ARL10: variants seen among roughly 807,000 people sequenced by gnomAD.
ARL10 encodes ADP-ribosylation factor-like protein 10.
Under a neutral mutation model 26.1 loss-of-function variants are expected in ARL10, and 23 were observed. That is an observed-to-expected ratio of 0.88 (90% confidence interval 0.63 to 1.25). The LOEUF is 1.25. Among genes scored for constraint, ARL10 ranks in the 50% most tolerant of loss-of-function variants. The pLI, the probability that ARL10 is intolerant of heterozygous loss-of-function variation, is 0.00. For synonymous variants in ARL10, 138 were observed against 149.1 expected (o/e 0.93, Z 0.54); for missense variants, 300 against 323.6 (o/e 0.93, Z 0.56).
downstream of ARL10, chr5:176,389,272 C>T (rs568806272): frequency 1.9e-6 from 3 of 1,549,944 alleles, no homozygotes; most frequent in East Asian, 4.5e-5. Context: ...AGACCCAAAG[C>T]GGGGAATGAC....
chr5:176,391,286 C>T (rs1375169370), downstream of ARL10, among the ~76,000 whole-genome samples: 2 of 152,136 alleles, frequency 1.3e-5, no homozygotes, highest in African/African-American at 4.8e-5. Flanking sequence ...TGGTGTCCCC[C>T]TCCAAAAATG....
At chr5:176,404,981 C>T (rs1055316604), downstream of ARL10, among the ~76,000 whole-genome samples, 22 of 152,318 alleles carry the variant, frequency 1.4e-4, no homozygotes, top group Non-Finnish European at 2.5e-4. Flanking sequence ...ACAACTCGAG[C>T]GAGCTGTTAA....
At chr5:176,384,588 G>T, downstream of ARL10, 1 of 572,232 alleles carries the variant, frequency 1.7e-6, no homozygotes, top group Non-Finnish European at 3.1e-6. Flanking sequence ...GGAGTTCCAG[G>T]CCACCCTGGG....
Position 176,372,625 on chromosome 5 carries a change from C to T in ARL10, c.*730C>T. 1 of 309,468 alleles carries T rather than the reference C, an allele frequency of 3.2e-6. No individual in the cohort carries two copies. Among genetic ancestry groups the T allele is most frequent in the Non-Finnish European group, 5.9e-6 (1 of 170,664 alleles). The allele number at this position is 309,468 out of a possible 1,614,324, so 19.2% of individuals were successfully genotyped here. On this transcript the variant is annotated 3_prime_UTR_variant, in exon 4 of 4. Coordinates refer to ENST00000310389, the MANE Select transcript of ARL10 (RefSeq NM_173664.6). ...CTACAGAATAACTGATATTCACCCA[C>T]CAAACAGAAAAAGTGAAGGCTGGGT...
At chr5:176,387,246 A>C (rs547259660) in intron 1 of ARL10, among the ~76,000 whole-genome samples, 1 of 150,208 alleles carries the variant, frequency 6.7e-6, no homozygotes, top group African/African-American at 2.4e-5. Flanking sequence ...TGCCCAGCTA[A>C]ATTTTGTGTT....
Position 176,380,393 on chromosome 5 carries a change from TGGC to T in ARL10, c.*8499_*8501del, listed in dbSNP as rs1755522422. On this transcript the variant is annotated 3_prime_UTR_variant, in exon 4 of 4. Coordinates refer to ENST00000310389, the MANE Select transcript of ARL10 (RefSeq NM_173664.6). ...AGTTTTATTTAAAGTTTCCTCATCG[TGGC>T]CATTTTAATTCTAAGTTGTTCCTAG... The T allele has an allele frequency of 6.6e-6, 1 of 151,938 alleles. No homozygotes were observed. Among genetic ancestry groups the T allele is most frequent in the South Asian group, 2.1e-4 (1 of 4,820 alleles). 9.4% of individuals were successfully genotyped at this position (151,938 alleles called of 1,614,324 possible). A position where few individuals can be genotyped will look rare whatever the true frequency, so the allele number is the denominator to read the frequency against.
chr5:176,373,231 C>A lies in ARL10; in HGVS notation c.*1336C>A, dbSNP rs1284051219. The A allele has an allele frequency of 5.1e-6, 2 of 393,160 alleles. No homozygotes were observed. The highest frequency in any genetic ancestry group is 9.0e-6 in the Non-Finnish European group (2 of 223,286). 24.4% of individuals were successfully genotyped at this position (393,160 alleles called of 1,614,324 possible). A position where few individuals can be genotyped will look rare whatever the true frequency, so the allele number is the denominator to read the frequency against. ...GGGTACATCACTCAGCCTTTCTGGACCCAATTTTTCCCCAGTGAAAGCCAA... is the reference window on the plus strand; with the variant it reads ...GGGTACATCACTCAGCCTTTCTGGAACCAATTTTTCCCCAGTGAAAGCCAA... On this transcript the variant is annotated 3_prime_UTR_variant, in exon 4 of 4. Coordinates refer to ENST00000310389, the MANE Select transcript of ARL10 (RefSeq NM_173664.6).
downstream of ARL10, chr5:176,386,889 G>A (rs773904196): frequency 1.5e-5 from 24 of 1,614,028 alleles, no homozygotes; most frequent in Non-Finnish European, 2.0e-5. Flanking sequence ...TCTCCTCTAT[G>A]TCCACCTCCA....
chr5:176,404,466 T>C (rs538066881), downstream of ARL10, among the ~76,000 whole-genome samples: 21 of 152,108 alleles, frequency 1.4e-4, no homozygotes, highest in East Asian at 3.7e-3. Context: ...AGGCTCAGAG[T>C]AGTTAAGTGA....
chr5:176,399,130 C>A (rs1756691043), intron 1 of ARL10, among the ~76,000 whole-genome samples: 2 of 152,176 alleles, frequency 1.3e-5, no homozygotes. Flanking sequence ...AGGCTTGAGC[C>A]ACCGTGACCA....
rs143052339 is a variant in ARL10, at chr5:176,368,863, G to C, written c.442G>C (p.Val148Leu). 2.9e-5 allele frequency: 47 copies of C among 1,614,222 alleles called. No individual in the cohort carries two copies. The highest frequency in any genetic ancestry group is 3.6e-5 in the Non-Finnish European group (42 of 1,180,032). The change falls in exon 3 of 4, where the codon GTG becomes CTG. Residue 148 changes from valine (V) to leucine (L), a missense_variant. Transcript: ENST00000310389. The surrounding 1 kb of genome is among the most constrained non-coding windows in gnomAD (Gnocchi z 4.1). ...YWKEFVSEVD[V>L]LVFVVDSADR... The stretch of plus-strand genomic sequence containing the variant: ...GAAGGAGTTTGTGAGCGAGGTGGAT[G>C]TGCTGGTGTTTGTGGTGGACTCGGC...
chr5:176,390,049 T>G (rs1005097758), downstream of ARL10, among the ~76,000 whole-genome samples: 1 of 151,614 alleles, frequency 6.6e-6, no homozygotes, highest in Admixed American at 6.6e-5. Flanking sequence ...GGGCGTGGTG[T>G]TGCGTGCCTG....
downstream of ARL10, chr5:176,389,337 T>C: frequency 1.2e-6 from 2 of 1,613,120 alleles, no homozygotes; most frequent in South Asian, 2.2e-5. Context: ...TCAGGTTGCC[T>C]GGCCACGGCG....
chr5:176,404,747 G>A (rs1026656591), downstream of ARL10, among the ~76,000 whole-genome samples: 4 of 152,204 alleles, frequency 2.6e-5, no homozygotes, highest in Non-Finnish European at 5.9e-5. Flanking sequence ...CTCCTGGCAC[G>A]TCCCTTTGTG....
intron 1 of ARL10, among the ~76,000 whole-genome samples, chr5:176,397,080 T>C (rs1581425537): frequency 2.0e-5 from 3 of 152,180 alleles, no homozygotes; most frequent in Admixed American, 2.0e-4. Flanking sequence ...TTGAGCTTAG[T>C]TGAACATGTG....
chr5:176,396,628 A>G, intron 1 of ARL10: 1 of 844,898 alleles, frequency 1.2e-6, no homozygotes, highest in South Asian at 1.4e-5. Context: ...GAGAGACAGC[A>G]TTAGTACCTC....
At chr5:176,365,942 C>T (rs1182097655) in intron 1 of ARL10, among the ~76,000 whole-genome samples, 196 bp downstream of exon 1, 1 of 152,178 alleles carries the variant, frequency 6.6e-6, no homozygotes, top group Non-Finnish European at 1.5e-5. Context: ...GGTGGGTGTG[C>T]TTGGGTGCGT....
downstream of ARL10, chr5:176,384,184 C>G (rs552325920): frequency 2.5e-5 from 40 of 1,614,032 alleles, no homozygotes; most frequent in Non-Finnish European, 3.1e-5. Flanking sequence ...TCCAGCTTCA[C>G]TGGTCCGGGG....
At position 176,365,563 on chromosome 5, in the gene ARL10, G is replaced by A. The variant is rs1469352869; in HGVS notation, c.-1G>A. On this transcript the variant is annotated 5_prime_UTR_variant, in exon 1 of 4. Coordinates refer to ENST00000310389, the MANE Select transcript of ARL10 (RefSeq NM_173664.6). ...CGCACCTGCGTCCCTCGCCCGGCCC[G>A]ATGGCGCCGCGGCCGCTGGGCCCCT... 1.9e-5 allele frequency: 23 copies of A among 1,233,058 alleles called. No individual in the cohort carries two copies. The highest frequency in any genetic ancestry group is 2.2e-5 in the Non-Finnish European group (22 of 988,458). 76.4% of individuals were successfully genotyped at this position (1,233,058 alleles called of 1,614,324 possible). A position where few individuals can be genotyped will look rare whatever the true frequency, so the allele number is the denominator to read the frequency against.
Sources: allele counts gnomAD v4.1 joint callset (sites outside exome capture counted in the v4.1 genomes callset), GRCh38; gene constraint gnomAD v4.1.1; non-coding constraint Gnocchi (gnomAD v3.1); transcripts MANE v1.5; gene names NCBI Gene and HGNC (gene_info 2026-07-23, HGNC 2026-07-21).